Variants in STX8 observed in about 807,000 individuals in gnomAD.
STX8 encodes the protein syntaxin 8.
Under a neutral mutation model 37.5 loss-of-function variants are expected in STX8, and 23 were observed. That is an observed-to-expected ratio of 0.61 (90% CI 0.44 to 0.87). STX8 has a LOEUF of 0.87. Ranked by LOEUF, STX8 falls within the 40% of genes least tolerant of loss-of-function variation. The pLI, the probability that STX8 is intolerant of heterozygous loss-of-function variation, is 0.00. For synonymous variants in STX8, 115 were observed against 99.1 expected, an observed-to-expected ratio of 1.16 and a Z score of -0.95; for missense variants, 313 against 284.7, an observed-to-expected ratio of 1.10 and a Z score of -0.71.
Position 9,295,668 on chromosome 17 carries a change from A to G in STX8, c.644-45023T>C, listed in dbSNP as rs540222315. Among the ~76,000 whole-genome samples the G allele has an allele frequency of 8.6e-5, 13 of 151,488 alleles. No homozygotes were observed. In the East Asian group the frequency reaches 2.6e-3, roughly 30 times the overall value. ...TGAGGCAGGAGAATCACTTGAAACC[A>G]GGAGGCAGAGGTTGCAGTGAGCCAA... On this transcript the variant is annotated intron_variant, in intron 7 of 7. Coordinates refer to ENST00000306357, the MANE Select transcript of STX8 (RefSeq NM_004853.3).
At chr17:9,372,751 C>T (rs1254790083) in intron 7 of STX8, among the ~76,000 whole-genome samples, 2 of 147,150 alleles carry the variant, frequency 1.4e-5, no homozygotes, top group African/African-American at 5.0e-5. Flanking sequence ...GCTGGGATTA[C>T]AGGCATGAGC....
intron 7 of STX8, among the ~76,000 whole-genome samples, chr17:9,356,964 T>TTTG (rs1910900629): frequency 1.5e-5 from 2 of 133,682 alleles, no homozygotes; most frequent in African/African-American, 6.6e-5. Flanking sequence ...TTAACAGTTT[T>TTTG]TTTTTTTTTT....
At chr17:9,339,450 C>T (rs1277091976) in intron 7 of STX8, among the ~76,000 whole-genome samples, 1 of 152,040 alleles carries the variant, frequency 6.6e-6, no homozygotes, top group East Asian at 1.9e-4. Context: ...GTCAGGAGAT[C>T]GAGAACGTCC....
At chr17:9,287,400 T>G (rs540925121) in intron 7 of STX8, among the ~76,000 whole-genome samples, 1 of 152,106 alleles carries the variant, frequency 6.6e-6, no homozygotes, top group Non-Finnish European at 1.5e-5. Flanking sequence ...CAGGTGAAAC[T>G]GGACTGGGGA....
intron 7 of STX8, among the ~76,000 whole-genome samples, chr17:9,297,493 C>A (rs189005101): frequency 6.6e-6 from 1 of 152,288 alleles, no homozygotes; most frequent in East Asian, 1.9e-4. Flanking sequence ...AGAAAGACAT[C>A]TTTTATTTCA....
intron 6 of STX8, among the ~76,000 whole-genome samples, chr17:9,455,656 A>C (rs1356664538): frequency 6.6e-6 from 1 of 152,270 alleles, no homozygotes; most frequent in Non-Finnish European, 1.5e-5. Flanking sequence ...AATTTTTAAA[A>C]AACTGAATAA....
intron 6 of STX8, among the ~76,000 whole-genome samples, chr17:9,400,880 C>T (rs948931908): frequency 6.6e-6 from 1 of 152,172 alleles, no homozygotes; most frequent in Non-Finnish European, 1.5e-5. Flanking sequence ...AGGTCATTTG[C>T]TAACGTTTCC....
At chr17:9,388,830 C>A (rs934801279) in intron 6 of STX8, among the ~76,000 whole-genome samples, 30 of 144,306 alleles carry the variant, frequency 2.1e-4, no homozygotes, top group Non-Finnish European at 3.2e-4. Flanking sequence ...AAAAAAAAAA[C>A]CATACATTTT....
At chr17:9,401,975 A>G (rs949010645) in intron 6 of STX8, among the ~76,000 whole-genome samples, 2 of 152,128 alleles carry the variant, frequency 1.3e-5, no homozygotes, top group Non-Finnish European at 2.9e-5. Flanking sequence ...ATGTGAAGGG[A>G]AGAGCTCTGT....
intron 4 of STX8, 140 bp from the exon 5 acceptor site, chr17:9,505,302 GC>G: frequency 1.1e-6 from 1 of 935,458 alleles, no homozygotes; most frequent in Non-Finnish European, 1.5e-6. Flanking sequence ...ATTAGTTTAT[GC>G]CAGGAACTGT....
chr17:9,544,339 C>T (rs573743406), intron 4 of STX8, among the ~76,000 whole-genome samples: 3 of 152,012 alleles, frequency 2.0e-5, no homozygotes, highest in Admixed American at 6.5e-5. Context: ...TTGGAAAGCC[C>T]GACCCGTCCT....
chr17:9,256,866 A>AG (rs756637638), intron 7 of STX8, among the ~76,000 whole-genome samples: 2 of 152,220 alleles, frequency 1.3e-5, no homozygotes, highest in African/African-American at 2.4e-5. Context: ...CTTAAACCTC[A>AG]GGGGGGTCTA....
intron 7 of STX8, among the ~76,000 whole-genome samples, chr17:9,356,965 T>C (rs1233856527): frequency 7.1e-6 from 1 of 140,748 alleles, no homozygotes; most frequent in Non-Finnish European, 1.5e-5. Flanking sequence ...TAACAGTTTT[T>C]TTTTTTTTTT....
chr17:9,512,874 T>C (rs1481274436), intron 4 of STX8, among the ~76,000 whole-genome samples: 1 of 151,952 alleles, frequency 6.6e-6, no homozygotes, highest in African/African-American at 2.4e-5. Flanking sequence ...AAGGAAAAAA[T>C]CAACTCAAAA....
intron 4 of STX8, among the ~76,000 whole-genome samples, chr17:9,526,042 T>A (rs1905555311): frequency 6.6e-6 from 1 of 152,176 alleles, no homozygotes; most frequent in Non-Finnish European, 1.5e-5. Context: ...GAACACCTGG[T>A]GGAATACTGT....
intron 2 of STX8, among the ~76,000 whole-genome samples, chr17:9,558,726 G>A (rs978053894): frequency 2.6e-5 from 4 of 152,172 alleles, no homozygotes; most frequent in Admixed American, 6.5e-5. Context: ...GGGAGGCTGA[G>A]GCAGGAGAAC....
intron 7 of STX8, among the ~76,000 whole-genome samples, chr17:9,358,827 GA>G (rs1910966284): frequency 6.6e-6 from 1 of 152,134 alleles, no homozygotes; most frequent in African/African-American, 2.4e-5. Flanking sequence ...AGAGTAGGGG[GA>G]AAAGATTACA....
intron 7 of STX8, among the ~76,000 whole-genome samples, chr17:9,286,686 C>CAAAAAA (rs34274390): frequency 2.4e-5 from 2 of 82,940 alleles, no homozygotes; most frequent in Non-Finnish European, 4.9e-5. Context: ...CAAAGGGAAG[C>CAAAAAA]AAAAAAAAAA....
intron 4 of STX8, among the ~76,000 whole-genome samples, chr17:9,518,246 A>G (rs1311192472): frequency 6.6e-6 from 1 of 151,792 alleles, no homozygotes. Flanking sequence ...TGCACGACCA[A>G]AATCTTCTCA....
Sources: allele counts gnomAD v4.1 joint callset (sites outside exome capture counted in the v4.1 genomes callset), GRCh38; gene constraint gnomAD v4.1.1; transcripts MANE v1.5; gene names NCBI Gene and HGNC (gene_info 2026-07-23, HGNC 2026-07-21).